The following PTGR1 variants were observed in gnomAD, a reference collection of about 807,000 sequenced individuals.
The protein encoded by PTGR1 is 15-oxoprostaglandin 13-reductase.
PTGR1 carries 23 observed loss-of-function variants against 37.7 expected under a neutral mutation model. That is an observed-to-expected ratio of 0.61 (90% CI 0.44 to 0.86). The LOEUF (loss-of-function observed/expected upper bound fraction) is 0.86, where lower values mean the gene tolerates loss of function less well. PTGR1 is among the 40% of genes least tolerant of loss of function. The probability of loss-of-function intolerance (pLI) is 0.00; values close to 1 mark genes in which losing one functional copy is unlikely to be tolerated. For synonymous variants in PTGR1, 134 were observed against 140.0 expected (o/e 0.96, Z 0.30); for missense variants, 351 against 394.3 (o/e 0.89, Z 0.93).
At chr9:111,588,104 C>T (rs1252506739) in intron 4 of PTGR1, among the ~76,000 whole-genome samples, 1 of 151,118 alleles carries the variant, frequency 6.6e-6, no homozygotes, top group Non-Finnish European at 1.5e-5. Context: ...ACCTCAACCT[C>T]CCCTGAGCTC....
At chr9:111,562,152 C>T (rs1378465713), downstream of PTGR1, among the ~76,000 whole-genome samples, 4 of 152,078 alleles carry the variant, frequency 2.6e-5, no homozygotes, top group Non-Finnish European at 4.4e-5. Context: ...GGATTACAAA[C>T]GTGAGCCACC....
intron 8 of PTGR1, among the ~76,000 whole-genome samples, chr9:111,570,565 T>G (rs1210781728): frequency 6.6e-6 from 1 of 151,524 alleles, no homozygotes; most frequent in Non-Finnish European, 1.5e-5. Context: ...GGTCAGGAGT[T>G]CGAGACCAGC....
At chr9:111,551,901 T>A (rs1489129229) in intron 9 of PTGR1, among the ~76,000 whole-genome samples, 1 of 152,230 alleles carries the variant, frequency 6.6e-6, no homozygotes, top group African/African-American at 2.4e-5. Context: ...TATATCATTC[T>A]TCAGATTTTG....
intron 4 of PTGR1, chr9:111,592,323 G>T (rs1334748648): frequency 1.3e-5 from 2 of 152,172 alleles, no homozygotes; most frequent in East Asian, 1.9e-4. Flanking sequence ...AGAAATTACT[G>T]ATGCACACAC....
In PTGR1 at chr9:111,570,150, G is replaced by C. The variant is rs752265017; in HGVS notation, c.820C>G (p.Arg274Gly). Residue 274 changes from arginine to glycine, a missense_variant, in exon 9 of 10, where the codon CGC (arginine) becomes GGC (glycine). Coordinates refer to ENST00000407693, the MANE Select transcript of PTGR1 (RefSeq NM_001146108.2). ...TTTTGGCGGGCATCTCCTTGCCAGC[G>C]GTAGACGACAAAAGCTTCCATGCGA... ...ELRMEAFVVY[R>G]WQGDARQKAL... is the part of the protein sequence containing the mutation. 1.9e-6 allele frequency: 3 copies of C among 1,613,920 alleles called. No individual in the cohort carries two copies. Among genetic ancestry groups the C allele is most frequent in the Non-Finnish European group, 2.5e-6 (3 of 1,180,016 alleles).
intron 9 of PTGR1, chr9:111,563,567 G>A (rs571405038): frequency 7.3e-4 from 121 of 165,586 alleles, no homozygotes; most frequent in Non-Finnish European, 1.0e-3. Flanking sequence ...GTGCAGTGCC[G>A]CGATCTTGGC....
rs143136916 is a variant in PTGR1, at chr9:111,550,154, T to G, written c.880-355A>C. 8.0e-3 allele frequency among the ~76,000 whole-genome samples: 1,216 copies of G among 152,326 alleles called. 7 individuals are homozygous for G. Among genetic ancestry groups the G allele is most frequent in the Non-Finnish European group, 0.013 (904 of 68,022 alleles). On this transcript the variant is annotated intron_variant, in intron 9 of 9. Coordinates refer to the PTGR1 transcript ENST00000538962. Reference sequence around the variant, plus strand: ...CCTGTGTTGAATGCCTAAAGTTGTCTCAATTCTTTACAGAGCCTGCGTTTT... The same window carrying G: ...CCTGTGTTGAATGCCTAAAGTTGTCGCAATTCTTTACAGAGCCTGCGTTTT...
chr9:111,569,776 G>A, intron 9 of PTGR1: 1 of 346,606 alleles, frequency 2.9e-6, no homozygotes, highest in South Asian at 2.5e-5. Flanking sequence ...CCTCATATGT[G>A]GGTTTAAGGA....
chr9:111,587,609 G>A lies in PTGR1; in HGVS notation c.210-1444C>T, dbSNP rs188211420. On this transcript the variant is annotated intron_variant, in intron 4 of 9. Transcript: ENST00000407693. ...TGGGAATACAGGCGCGTGCCACTACGCCCAGCTAATTTTTGTATTTTTAGT... is the reference window on the plus strand; with the variant it reads ...TGGGAATACAGGCGCGTGCCACTACACCCAGCTAATTTTTGTATTTTTAGT... Among the ~76,000 whole-genome samples the A allele has an allele frequency of 1.8e-3, 272 of 152,114 alleles. 1 individual carries two copies. Among genetic ancestry groups the A allele is most frequent in the Admixed American group, 6.9e-3 (106 of 15,268 alleles).
At chr9:111,576,494 C>A in intron 7 of PTGR1, 1 of 1,587,072 alleles carries the variant, frequency 6.3e-7, no homozygotes, top group Non-Finnish European at 8.6e-7. Flanking sequence ...GTTCAAGAGG[C>A]TCTGGTTCGG....
intron 9 of PTGR1, chr9:111,564,122 T>A (rs1376831279): frequency 2.3e-5 from 9 of 383,390 alleles, no homozygotes; most frequent in Non-Finnish European, 3.4e-5. Flanking sequence ...ATTTTCAGAT[T>A]TTTTTAAGGG....
chr9:111,570,207 G>C lies in PTGR1; in HGVS notation c.763C>G (p.Pro255Ala). ...TGATAGATAACAATCTCTGGGGGTG[G>C]GCCTGTGAAGAGAAGGGCACATTTG... The part of the protein sequence containing the change: ...YNRTGPLPPG[P>A]PPEIVIYQEL... The change falls in exon 9 of 10, where the codon CCA becomes GCA. Residue 255 changes from proline to alanine, a missense_variant and splice_region_variant. Coordinates refer to ENST00000407693, the MANE Select transcript of PTGR1 (RefSeq NM_001146108.2). The C allele has an allele frequency of 6.2e-7, 1 of 1,612,848 alleles. No homozygotes were observed. Among genetic ancestry groups the C allele is most frequent in the Non-Finnish European group, 8.5e-7 (1 of 1,179,474 alleles).
downstream of PTGR1, among the ~76,000 whole-genome samples, chr9:111,560,962 T>G (rs1828271489): frequency 4.4e-5 from 2 of 45,926 alleles, 1 homozygote. Flanking sequence ...TATATATATA[T>G]ATATATATAT....
chr9:111,559,840 T>G (rs576565740), downstream of PTGR1, among the ~76,000 whole-genome samples: 1 of 152,078 alleles, frequency 6.6e-6, no homozygotes, highest in Non-Finnish European at 1.5e-5. Flanking sequence ...GGGCAGTGAC[T>G]TTTTTTTCTC....
At chr9:111,581,254 A>T (rs1389123808) in intron 6 of PTGR1, among the ~76,000 whole-genome samples, 1 of 152,222 alleles carries the variant, frequency 6.6e-6, no homozygotes, top group Non-Finnish European at 1.5e-5. Flanking sequence ...TATGAGAGCA[A>T]AGAGAGCATA....
At chr9:111,576,476 G>A in intron 7 of PTGR1, 1 of 1,609,058 alleles carries the variant, frequency 6.2e-7, no homozygotes, top group Non-Finnish European at 8.5e-7. Flanking sequence ...TGGGGCCACT[G>A]CAGTGCAGTT....
Position 111,569,987 on chromosome 9 carries a change from C to T in PTGR1, c.879+104G>A, listed in dbSNP as rs548736777. 7.1e-5 allele frequency: 109 copies of T among 1,544,530 alleles called. No homozygotes were observed. In the East Asian group the frequency reaches 8.5e-4, roughly 12 times the overall value. On this transcript the variant is annotated intron_variant, in intron 9 of 9. Coordinates refer to ENST00000407693, the MANE Select transcript of PTGR1 (RefSeq NM_001146108.2). ...CAATGACCCAATAGGGAAAAACTGA[C>T]GATGCGGCAGAGATGGGGAAGAATT...
chr9:111,588,077 G>A (rs1026975486), intron 4 of PTGR1, among the ~76,000 whole-genome samples: 15 of 149,564 alleles, frequency 1.0e-4, no homozygotes, highest in Non-Finnish European at 1.9e-4. Context: ...GTAGTGGTGC[G>A]ATCATGGCTC....
chr9:111,562,830 T>C lies in PTGR1; in HGVS notation c.*291A>G, dbSNP rs937000447. The C allele has an allele frequency of 3.3e-6, 2 of 599,548 alleles. No homozygotes were observed. Among genetic ancestry groups the C allele is most frequent in the Non-Finnish European group, 4.7e-6 (2 of 429,542 alleles). The allele number at this position is 599,548 out of a possible 1,614,324, so 37.1% of individuals were successfully genotyped here. A position where few individuals can be genotyped will look rare whatever the true frequency, so the allele number is the denominator to read the frequency against. On this transcript the variant is annotated 3_prime_UTR_variant, in exon 10 of 10. Coordinates refer to ENST00000407693, the MANE Select transcript of PTGR1 (RefSeq NM_001146108.2). ...GTTCTCATTGTTCAGCTCCCACTTA[T>C]GAATGAAAACATACAGTGTTTGGAA...
Sources: allele counts gnomAD v4.1 joint callset (sites outside exome capture counted in the v4.1 genomes callset), GRCh38; gene constraint gnomAD v4.1.1; transcripts MANE v1.5; gene names NCBI Gene and HGNC (gene_info 2026-07-23, HGNC 2026-07-21).